GRID2: variants seen among roughly 807,000 people sequenced by gnomAD.
The protein encoded by GRID2 is glutamate ionotropic receptor delta type subunit 2.
Under a neutral mutation model 114.8 loss-of-function variants are expected in GRID2, and 33 were observed. The observed-to-expected ratio is 0.29, with a 90% confidence interval of 0.22 to 0.38. GRID2 has a LOEUF of 0.38. Ranked by LOEUF, GRID2 falls within the 10% of genes least tolerant of loss-of-function variation. GRID2 has a pLI of 1.00. For synonymous variants in GRID2, 505 were observed against 449.9 expected, an observed-to-expected ratio of 1.12 and a Z score of -1.55; for missense variants, 1,184 against 1,257.7, an observed-to-expected ratio of 0.94 and a Z score of 0.89.
At chr4:92,655,667 T>C (rs965624279) in intron 2 of GRID2, among the ~76,000 whole-genome samples, 9 of 151,842 alleles carry the variant, frequency 5.9e-5, no homozygotes, top group Admixed American at 5.3e-4. Context: ...TTGATTTTTT[T>C]TCATCTACTT....
intron 12 of GRID2, among the ~76,000 whole-genome samples, chr4:93,503,686 T>G (rs1489388203): frequency 1.3e-5 from 2 of 152,032 alleles, no homozygotes; most frequent in South Asian, 2.1e-4. Flanking sequence ...TTTTTCGTCT[T>G]TTAAAAAAGT....
intron 2 of GRID2, among the ~76,000 whole-genome samples, chr4:92,917,297 C>G (rs943382932): frequency 6.6e-6 from 1 of 151,938 alleles, no homozygotes; most frequent in Non-Finnish European, 1.5e-5. Flanking sequence ...AAATTTTCTC[C>G]CATTCTGTAG....
At chr4:93,610,993 C>T (rs1200513216) in intron 13 of GRID2, among the ~76,000 whole-genome samples, 1 of 132,192 alleles carries the variant, frequency 7.6e-6, no homozygotes, top group Non-Finnish European at 1.6e-5. Flanking sequence ...AATTTCAGAG[C>T]CTGTTATTGG....
At chr4:92,366,877 A>G (rs1373580552) in intron 1 of GRID2, among the ~76,000 whole-genome samples, 1 of 152,082 alleles carries the variant, frequency 6.6e-6, no homozygotes, top group Non-Finnish European at 1.5e-5. Context: ...ACAATAAAAT[A>G]AGACAGCAGC....
chr4:92,374,443 G>T (rs1353176293), intron 1 of GRID2, among the ~76,000 whole-genome samples: 1 of 151,970 alleles, frequency 6.6e-6, no homozygotes. Flanking sequence ...TTCTTAAATG[G>T]GTTTTATTGA....
intron 2 of GRID2, among the ~76,000 whole-genome samples, chr4:92,937,531 G>T (rs1050402198): frequency 1.4e-5 from 2 of 146,126 alleles, no homozygotes; most frequent in Admixed American, 7.5e-5. Flanking sequence ...ACTTCCAATT[G>T]ATCAGTATGT....
chr4:93,434,015 T>C (rs965471635), intron 10 of GRID2, among the ~76,000 whole-genome samples: 1 of 152,166 alleles, frequency 6.6e-6, no homozygotes, highest in African/African-American at 2.4e-5. Context: ...ATGGATACTG[T>C]TGACACATTT....
intron 13 of GRID2, among the ~76,000 whole-genome samples, chr4:93,519,553 CA>C: frequency 6.6e-6 from 1 of 152,044 alleles, no homozygotes; most frequent in East Asian, 1.9e-4. Flanking sequence ...GGATCATGTG[CA>C]GCACTAAAAT....
In GRID2 at chr4:93,188,043, C is replaced by T. The variant is rs190110626; in HGVS notation, c.736-19361C>T. Among the ~76,000 whole-genome samples the T allele has an allele frequency of 3.1e-4, 47 of 152,274 alleles. No individual in the cohort carries two copies. The East Asian group carries it at 7.8e-3, about 25-fold the overall frequency. ...AGTATTGCAGCTCTCACAGGGTTTGCGGAATGCAACCAGTATTGCAGCTCT... is the reference window on the plus strand; with the variant it reads ...AGTATTGCAGCTCTCACAGGGTTTGTGGAATGCAACCAGTATTGCAGCTCT... On this transcript the variant is annotated intron_variant, in intron 4 of 15. Coordinates refer to ENST00000282020, the MANE Select transcript of GRID2 (RefSeq NM_001510.4).
intron 14 of GRID2, among the ~76,000 whole-genome samples, chr4:93,741,369 C>T (rs1731404813): frequency 6.6e-6 from 1 of 151,460 alleles, no homozygotes; most frequent in African/African-American, 2.4e-5. Flanking sequence ...TACCCTTTAA[C>T]CTGATAATTT....
intron 2 of GRID2, among the ~76,000 whole-genome samples, chr4:92,648,250 C>T (rs892465931): frequency 6.7e-6 from 1 of 149,672 alleles, no homozygotes; most frequent in African/African-American, 2.5e-5. Context: ...ATTTTGAATA[C>T]ATTTAAATAA....
chr4:93,073,180 G>T (rs1212804190), intron 2 of GRID2, among the ~76,000 whole-genome samples: 8 of 152,246 alleles, frequency 5.3e-5, no homozygotes, highest in Admixed American at 2.6e-4. Context: ...AGTGATGCTG[G>T]AAGTGTTTCC....
intron 2 of GRID2, among the ~76,000 whole-genome samples, chr4:92,815,870 G>A (rs76085923): frequency 0.035 from 4,364 of 123,218 alleles, 116 homozygotes; most frequent in East Asian, 0.13. Context: ...AGCCGTGACC[G>A]TATCACTGTA....
At chr4:93,334,238 T>C (rs957152382) in intron 8 of GRID2, among the ~76,000 whole-genome samples, 3 of 152,206 alleles carry the variant, frequency 2.0e-5, no homozygotes, top group Non-Finnish European at 4.4e-5. Context: ...TCTAGTTCAC[T>C]GTAGACAAGT....
chr4:93,280,023 G>T (rs1752487484), intron 8 of GRID2, among the ~76,000 whole-genome samples: 1 of 151,898 alleles, frequency 6.6e-6, no homozygotes, highest in Non-Finnish European at 1.5e-5. Context: ...CTAATGTTTG[G>T]CAGGGAGCTA....
chr4:92,958,320 T>C (rs1560744770), intron 2 of GRID2, among the ~76,000 whole-genome samples: 1 of 152,042 alleles, frequency 6.6e-6, no homozygotes, highest in Non-Finnish European at 1.5e-5. Context: ...AGTTCTATTC[T>C]TAGTTGACTG....
At chr4:92,543,167 G>A (rs1264982160) in intron 1 of GRID2, among the ~76,000 whole-genome samples, 1 of 151,884 alleles carries the variant, frequency 6.6e-6, no homozygotes, top group Non-Finnish European at 1.5e-5. Context: ...ATATAATATT[G>A]GTAATACTGC....
At chr4:92,319,232 A>G (rs1339778856) in intron 1 of GRID2, among the ~76,000 whole-genome samples, 1 of 152,204 alleles carries the variant, frequency 6.6e-6, no homozygotes, top group Non-Finnish European at 1.5e-5. Flanking sequence ...TTAATCAAGA[A>G]TAATTGATAA....
chr4:92,507,863 T>C (rs1724053619), intron 1 of GRID2, among the ~76,000 whole-genome samples: 1 of 151,890 alleles, frequency 6.6e-6, no homozygotes, highest in Admixed American at 6.6e-5. Flanking sequence ...ATTAGTGCCA[T>C]GTTTGTAGCA....
Sources: gnomAD v4.1 joint callset for allele counts (sites outside exome capture counted in the v4.1 genomes callset) on GRCh38, gnomAD v4.1.1 for gene constraint, MANE v1.5 for transcripts, NCBI Gene and HGNC (gene_info 2026-07-23, HGNC 2026-07-21) for gene names.